The following KLHL1 variants were observed in gnomAD, a reference collection of about 807,000 sequenced individuals.
The protein encoded by KLHL1 is kelch like family member 1.
KLHL1 carries 47 observed loss-of-function variants against 77.7 expected under a neutral mutation model. That is an observed-to-expected ratio of 0.60 (90% CI 0.48 to 0.77). The LOEUF (loss-of-function observed/expected upper bound fraction) is 0.77, where lower values mean the gene tolerates loss of function less well. Ranked by LOEUF, KLHL1 falls within the 30% of genes least tolerant of loss-of-function variation. The probability of loss-of-function intolerance (pLI) is 0.00; values close to 1 mark genes in which losing one functional copy is unlikely to be tolerated. For missense variants in KLHL1, 925 were observed against 910.8 expected, an observed-to-expected ratio of 1.02 and a Z score of -0.20; for synonymous variants, 360 against 325.2, an observed-to-expected ratio of 1.11 and a Z score of -1.15.
chr13:70,010,791 C>A (rs1026770028), intron 1 of KLHL1, among the ~76,000 whole-genome samples: 1 of 151,738 alleles, frequency 6.6e-6, no homozygotes, highest in South Asian at 2.1e-4. Flanking sequence ...ACTAGGGAGG[C>A]TGAGGCAGGA....
intron 4 of KLHL1, among the ~76,000 whole-genome samples, chr13:69,915,607 G>T (rs957301624): frequency 2.6e-5 from 4 of 152,130 alleles, no homozygotes; most frequent in African/African-American, 9.7e-5. Context: ...ATGGATTAAA[G>T]ACTTAAATGT....
intron 1 of KLHL1, among the ~76,000 whole-genome samples, chr13:70,038,856 G>A (rs1593695061): frequency 2.0e-5 from 3 of 152,002 alleles, no homozygotes; most frequent in Admixed American, 6.6e-5. Flanking sequence ...CTCCCATAGT[G>A]CTGGGATTAC....
chr13:69,871,374 T>C (rs1334459744), intron 5 of KLHL1, among the ~76,000 whole-genome samples: 1 of 152,114 alleles, frequency 6.6e-6, no homozygotes, highest in African/African-American at 2.4e-5. Context: ...CTGAAATTAC[T>C]TTTCCCACGA....
intron 6 of KLHL1, among the ~76,000 whole-genome samples, chr13:69,828,455 A>T (rs1415841739): frequency 6.7e-6 from 1 of 150,188 alleles, no homozygotes; most frequent in East Asian, 1.9e-4. Context: ...AGCCAGTGGA[A>T]TTGGGAAAGG....
At chr13:70,104,682 T>G (rs1888007263) in intron 1 of KLHL1, among the ~76,000 whole-genome samples, 1 of 152,132 alleles carries the variant, frequency 6.6e-6, no homozygotes, top group Non-Finnish European at 1.5e-5. Context: ...ACATCATTGT[T>G]TGGTGATATG....
At chr13:70,105,467 G>C (rs903484811) in intron 1 of KLHL1, among the ~76,000 whole-genome samples, 18 of 151,310 alleles carry the variant, frequency 1.2e-4, no homozygotes, top group Non-Finnish European at 2.2e-4. Context: ...ATATTTCTAG[G>C]AGCTTATTCA....
intron 1 of KLHL1, among the ~76,000 whole-genome samples, chr13:70,080,242 C>T (rs760990056): frequency 1.3e-5 from 2 of 152,130 alleles, no homozygotes; most frequent in Non-Finnish European, 2.9e-5. Context: ...AGCATGCCAA[C>T]GTGGCTTGGC....
intron 4 of KLHL1, among the ~76,000 whole-genome samples, chr13:69,898,179 C>G (rs998922818): frequency 2.0e-5 from 3 of 152,168 alleles, no homozygotes; most frequent in Admixed American, 6.5e-5. Context: ...CTAGATGGCC[C>G]CCTAGGGCCT....
intron 2 of KLHL1, among the ~76,000 whole-genome samples, chr13:69,972,689 A>G (rs1314705522): frequency 1.3e-5 from 2 of 151,862 alleles, no homozygotes; most frequent in Non-Finnish European, 2.9e-5. Context: ...TATTAGTTAC[A>G]TAAGATTTCC....
intron 3 of KLHL1, among the ~76,000 whole-genome samples, chr13:69,947,320 A>T (rs1883563835): frequency 6.6e-6 from 1 of 152,022 alleles, no homozygotes; most frequent in Non-Finnish European, 1.5e-5. Context: ...TGTATAATTG[A>T]CCATTTATAT....
intron 1 of KLHL1, among the ~76,000 whole-genome samples, chr13:70,068,944 C>T (rs531639046): frequency 1.3e-5 from 2 of 152,200 alleles, no homozygotes; most frequent in East Asian, 3.9e-4. Context: ...AGCCTTCTTG[C>T]TTCTGGCAGA....
intron 7 of KLHL1, among the ~76,000 whole-genome samples, chr13:69,767,182 G>A (rs1049762598): frequency 2.6e-5 from 4 of 152,066 alleles, no homozygotes; most frequent in Admixed American, 6.6e-5. Flanking sequence ...ATATATTAGC[G>A]TGACTTTTTG....
chr13:69,979,273 C>T (rs1326411467), intron 1 of KLHL1, among the ~76,000 whole-genome samples: 1 of 151,650 alleles, frequency 6.6e-6, no homozygotes, highest in Admixed American at 6.6e-5. Flanking sequence ...TACTTCTCTT[C>T]AAGGTCATTA....
intron 7 of KLHL1, among the ~76,000 whole-genome samples, chr13:69,775,576 T>C (rs1399659624): frequency 6.6e-6 from 1 of 152,170 alleles, no homozygotes; most frequent in African/African-American, 2.4e-5. Flanking sequence ...AGTAAAGATA[T>C]GGAGAAGGGT....
intron 3 of KLHL1, among the ~76,000 whole-genome samples, chr13:69,947,524 AT>A (rs541590745): frequency 4.8e-4 from 73 of 151,856 alleles, no homozygotes; most frequent in Admixed American, 2.1e-3. Flanking sequence ...ATTTAGACAG[AT>A]TTTTTTTCAG....
intron 3 of KLHL1, among the ~76,000 whole-genome samples, chr13:69,946,466 G>A (rs1883528138): frequency 6.6e-6 from 1 of 151,870 alleles, no homozygotes; most frequent in South Asian, 2.1e-4. Context: ...ACAAATATAT[G>A]ATATTATAAT....
chr13:69,771,869 TC>T (rs1422327374), intron 7 of KLHL1, among the ~76,000 whole-genome samples: 2 of 152,170 alleles, frequency 1.3e-5, no homozygotes, highest in African/African-American at 2.4e-5. Flanking sequence ...AGACATGACT[TC>T]AAAATAGCAA....
intron 1 of KLHL1, among the ~76,000 whole-genome samples, chr13:70,067,433 C>T (rs1174909456): frequency 6.6e-6 from 1 of 151,980 alleles, no homozygotes; most frequent in African/African-American, 2.4e-5. Context: ...TGTCAAATGT[C>T]ACACAGCCAC....
intron 8 of KLHL1, 78 bp downstream of exon 8, chr13:69,740,316 T>A: frequency 1.9e-6 from 2 of 1,035,482 alleles, no homozygotes; most frequent in Middle Eastern, 3.3e-4. Context: ...TACCAGCTTA[T>A]TAAAACTTAT....
Sources: gnomAD v4.1 joint callset for allele counts (sites outside exome capture counted in the v4.1 genomes callset) on GRCh38, gnomAD v4.1.1 for gene constraint, MANE v1.5 for transcripts, NCBI Gene and HGNC (gene_info 2026-07-23, HGNC 2026-07-21) for gene names.